DOK6: variants seen among roughly 807,000 people sequenced by gnomAD.
The protein encoded by DOK6 is downstream of tyrosine kinase 6.
In DOK6, 22 loss-of-function variants were observed where a neutral mutation model predicts 44.0. The ratio of observed to expected loss-of-function variants is 0.50; its 90% confidence interval spans 0.36 to 0.71. DOK6 has a LOEUF of 0.71. Ranked by LOEUF, DOK6 falls within the 30% of genes least tolerant of loss-of-function variation. The pLI, the probability that DOK6 is intolerant of heterozygous loss-of-function variation, is 0.00. For synonymous variants in DOK6, 166 were observed against 145.5 expected, an observed-to-expected ratio of 1.14 and a Z score of -1.01; for missense variants, 340 against 416.4, an observed-to-expected ratio of 0.82 and a Z score of 1.60.
chr18:69,420,217 A>G (rs891831785), intron 1 of DOK6, among the ~76,000 whole-genome samples: 1 of 151,992 alleles, frequency 6.6e-6, no homozygotes, highest in Non-Finnish European at 1.5e-5. Flanking sequence ...TTAGTCCTGC[A>G]TTGTCTTTAG....
intron 3 of DOK6, among the ~76,000 whole-genome samples, chr18:69,610,850 G>A (rs1173597804): frequency 6.6e-6 from 1 of 152,088 alleles, no homozygotes; most frequent in African/African-American, 2.4e-5. Context: ...AGAGATTTGA[G>A]CATTCATTGA....
chr18:69,795,805 T>TCTG (rs1157925697), intron 7 of DOK6, among the ~76,000 whole-genome samples: 1 of 152,224 alleles, frequency 6.6e-6, no homozygotes, highest in East Asian at 1.9e-4. Context: ...AGAAGTTTTA[T>TCTG]CTGCTTTTAA....
intron 1 of DOK6, among the ~76,000 whole-genome samples, chr18:69,534,361 G>A (rs565053847): frequency 2.0e-5 from 3 of 151,994 alleles, no homozygotes; most frequent in Non-Finnish European, 2.9e-5. Context: ...TGACAACTTC[G>A]CAATTATCTA....
chr18:69,788,424 C>T (rs531096368), intron 7 of DOK6, among the ~76,000 whole-genome samples: 1 of 152,206 alleles, frequency 6.6e-6, no homozygotes, highest in South Asian at 2.1e-4. Context: ...TAAATGGGCT[C>T]TTTGTAATGA....
chr18:69,599,593 C>A, intron 3 of DOK6, 95 bp downstream of exon 3: 1 of 925,048 alleles, frequency 1.1e-6, no homozygotes, highest in Non-Finnish European at 1.6e-6. Flanking sequence ...AACAGGATGG[C>A]CTACTGTCAT....
intron 5 of DOK6, among the ~76,000 whole-genome samples, chr18:69,703,140 C>G (rs1986558628): frequency 6.6e-6 from 1 of 151,918 alleles, no homozygotes; most frequent in Non-Finnish European, 1.5e-5. Context: ...TTCCTAAACA[C>G]TTTGTCTTGG....
At chr18:69,728,546 A>G (rs1333677418) in intron 5 of DOK6, among the ~76,000 whole-genome samples, 1 of 152,124 alleles carries the variant, frequency 6.6e-6, no homozygotes, top group African/African-American at 2.4e-5. Flanking sequence ...AATACTTTCC[A>G]TAGCAAATCA....
intron 3 of DOK6, among the ~76,000 whole-genome samples, chr18:69,630,103 G>A (rs1372788896): frequency 6.6e-6 from 1 of 152,084 alleles, no homozygotes; most frequent in African/African-American, 2.4e-5. Flanking sequence ...AGATGACTCT[G>A]CATTTGATGG....
chr18:69,422,404 C>T (rs1262146833), intron 1 of DOK6, among the ~76,000 whole-genome samples: 1 of 152,198 alleles, frequency 6.6e-6, no homozygotes, highest in Non-Finnish European at 1.5e-5. Context: ...GCTTCCTACT[C>T]ATATTTTACT....
intron 1 of DOK6, among the ~76,000 whole-genome samples, chr18:69,422,125 A>G (rs992333874): frequency 1.3e-5 from 2 of 152,104 alleles, no homozygotes; most frequent in African/African-American, 4.8e-5. Flanking sequence ...CTGGAAGGCC[A>G]GGGATCCACA....
chr18:69,609,414 T>A (rs1324074245), intron 3 of DOK6, among the ~76,000 whole-genome samples: 1 of 151,802 alleles, frequency 6.6e-6, no homozygotes, highest in East Asian at 1.9e-4. Context: ...CAAATCATTA[T>A]AAAAATGTAG....
At chr18:69,821,769 T>C (rs1981578256) in intron 7 of DOK6, among the ~76,000 whole-genome samples, 1 of 143,084 alleles carries the variant, frequency 7.0e-6, no homozygotes, top group Non-Finnish European at 1.5e-5. Flanking sequence ...CATTTCATAT[T>C]TGTTGATAGC....
At chr18:69,557,247 T>G (rs754599730) in intron 1 of DOK6, among the ~76,000 whole-genome samples, 1 of 152,222 alleles carries the variant, frequency 6.6e-6, no homozygotes, top group East Asian at 1.9e-4. Context: ...CTGAAAATTC[T>G]TCCGAGTTTC....
chr18:69,709,202 G>T (rs1986703986), intron 5 of DOK6, among the ~76,000 whole-genome samples: 1 of 152,078 alleles, frequency 6.6e-6, no homozygotes, highest in Admixed American at 6.5e-5. Context: ...TTTAATGGTG[G>T]TAATAACCAC....
intron 1 of DOK6, 32 bp from the exon 2 acceptor site, chr18:69,564,455 A>G: frequency 6.3e-7 from 1 of 1,589,144 alleles, no homozygotes; most frequent in Non-Finnish European, 8.6e-7. Flanking sequence ...ATGTAAAAAT[A>G]TGGATAATGG....
At chr18:69,760,555 G>A (rs537998264) in intron 7 of DOK6, among the ~76,000 whole-genome samples, 12 of 152,242 alleles carry the variant, frequency 7.9e-5, no homozygotes, top group South Asian at 6.2e-4. Flanking sequence ...CAAAGCAGGC[G>A]CCCTGAGAAA....
At chr18:69,649,230 A>G (rs546223473) in intron 3 of DOK6, among the ~76,000 whole-genome samples, 2 of 152,340 alleles carry the variant, frequency 1.3e-5, no homozygotes, top group Admixed American at 6.5e-5. Context: ...GAGGAAGGCT[A>G]TATTCTATTC....
intron 5 of DOK6, among the ~76,000 whole-genome samples, chr18:69,727,695 G>C (rs1419943816): frequency 1.3e-5 from 2 of 152,182 alleles, no homozygotes; most frequent in Non-Finnish European, 2.9e-5. Context: ...TAAAAGTTTT[G>C]CTATTTGAAA....
intron 6 of DOK6, among the ~76,000 whole-genome samples, chr18:69,754,176 T>C (rs1159689280): frequency 3.3e-5 from 5 of 151,880 alleles, no homozygotes. Flanking sequence ...AATTAAATAG[T>C]TAAGGATGTG....
Sources: gnomAD v4.1 joint callset for allele counts (sites outside exome capture counted in the v4.1 genomes callset) on GRCh38, gnomAD v4.1.1 for gene constraint, MANE v1.5 for transcripts, NCBI Gene and HGNC (gene_info 2026-07-23, HGNC 2026-07-21) for gene names.